Variants in RALGAPA2 observed in about 807,000 individuals in gnomAD.
RALGAPA2 encodes the protein Ral GTPase activating protein catalytic subunit alpha 2.
A neutral mutation model predicts 230.4 loss-of-function variants in RALGAPA2; 139 were observed. The observed-to-expected ratio is 0.60, with a 90% CI of 0.53 to 0.69. The LOEUF is 0.69. RALGAPA2 is among the 30% of genes least tolerant of loss of function. RALGAPA2 has a pLI of 0.00. For synonymous variants in RALGAPA2, 847 were observed against 837.8 expected, an observed-to-expected ratio of 1.01 and a Z score of -0.19; for missense variants, 2,163 against 2,276.0, an observed-to-expected ratio of 0.95 and a Z score of 1.01.
chr20:20,427,062 C>T (rs1354178437), intron 37 of RALGAPA2, among the ~76,000 whole-genome samples: 1 of 152,202 alleles, frequency 6.6e-6, no homozygotes, highest in Admixed American at 6.5e-5. Context: ...GCCTGGCTCT[C>T]AGTCACGGCC....
intron 4 of RALGAPA2, among the ~76,000 whole-genome samples, chr20:20,643,934 G>T (rs938489487): frequency 6.6e-6 from 1 of 151,940 alleles, no homozygotes; most frequent in Non-Finnish European, 1.5e-5. Flanking sequence ...ACTTAGAATG[G>T]CATGTTTCTC....
intron 3 of RALGAPA2, among the ~76,000 whole-genome samples, chr20:20,657,886 T>C (rs1371763089): frequency 6.6e-6 from 1 of 152,254 alleles, no homozygotes; most frequent in East Asian, 1.9e-4. Context: ...AGGTCTTTAA[T>C]TTGGTCAGGA....
chr20:20,571,146 C>A (rs1314337681), intron 23 of RALGAPA2, among the ~76,000 whole-genome samples: 4 of 152,006 alleles, frequency 2.6e-5, no homozygotes, highest in Non-Finnish European at 4.4e-5. Flanking sequence ...AATGCAGAAC[C>A]CAAACAAAAA....
chr20:20,397,844 T>G (rs1392289608), intron 38 of RALGAPA2, among the ~76,000 whole-genome samples: 1 of 152,122 alleles, frequency 6.6e-6, no homozygotes, highest in Non-Finnish European at 1.5e-5. Flanking sequence ...CCCAAGAAAA[T>G]TATTTGGGGT....
intron 37 of RALGAPA2, among the ~76,000 whole-genome samples, chr20:20,470,047 A>C (rs1602465896): frequency 6.6e-6 from 1 of 152,130 alleles, no homozygotes; most frequent in Non-Finnish European, 1.5e-5. Context: ...TACTGTGCTT[A>C]CATTTTTTTT....
intron 6 of RALGAPA2, 84 bp downstream of exon 6, chr20:20,640,617 T>C (rs767944736): frequency 1.5e-5 from 20 of 1,339,236 alleles, no homozygotes; most frequent in Non-Finnish European, 2.1e-5. Flanking sequence ...TCAGGATTTC[T>C]ATTCAAGAAA....
rs2059584782 is a variant in RALGAPA2 at position 20,390,397 on chromosome 20, T to G, written c.*2892A>C. The G allele has an allele frequency of 6.6e-6, 1 of 152,224 alleles. No homozygotes were observed. Among genetic ancestry groups the G allele is most frequent in the African/African-American group, 2.4e-5 (1 of 41,464 alleles). The allele number at this position is 152,224 out of a possible 1,614,324, so 9.4% of individuals were successfully genotyped here. On this transcript the variant is annotated 3_prime_UTR_variant, in exon 40 of 40. Transcript: ENST00000202677. ...TTATTTTTAAAAAGTCATAATTTTTTAAAGTACGAAAGCCTAAGTACAATG... is the reference window on the plus strand; with the variant it reads ...TTATTTTTAAAAAGTCATAATTTTTGAAAGTACGAAAGCCTAAGTACAATG...
intron 24 of RALGAPA2, among the ~76,000 whole-genome samples, chr20:20,544,890 G>A (rs2063740738): frequency 6.6e-6 from 1 of 152,108 alleles, no homozygotes. Context: ...GGCAAGGGGA[G>A]GGATAGCATT....
intron 29 of RALGAPA2, 66 bp downstream of exon 29, chr20:20,524,764 T>C (rs2063149944): frequency 7.1e-7 from 1 of 1,400,428 alleles, no homozygotes; most frequent in Non-Finnish European, 9.7e-7. Context: ...TGTAACATTA[T>C]TTATCATTTT....
At chr20:20,683,666 C>T (rs1961402932) in intron 1 of RALGAPA2, among the ~76,000 whole-genome samples, 1 of 152,202 alleles carries the variant, frequency 6.6e-6, no homozygotes, top group African/African-American at 2.4e-5. Context: ...AGCAGAATTG[C>T]ACAAAACCCC....
At chr20:20,683,898 G>T (rs183988703) in intron 1 of RALGAPA2, among the ~76,000 whole-genome samples, 15 of 152,270 alleles carry the variant, frequency 9.9e-5, no homozygotes, top group Non-Finnish European at 7.3e-5. Flanking sequence ...TCTATAACCA[G>T]ATGGACCCTC....
chr20:20,404,260 A>G (rs1350611208), intron 38 of RALGAPA2, among the ~76,000 whole-genome samples: 1 of 152,106 alleles, frequency 6.6e-6, no homozygotes, highest in Non-Finnish European at 1.5e-5. Flanking sequence ...TTTTTAAGGG[A>G]TTTTATTCCT....
chr20:20,618,817 T>C (rs1252387863), intron 12 of RALGAPA2, among the ~76,000 whole-genome samples: 1 of 152,234 alleles, frequency 6.6e-6, no homozygotes, highest in Non-Finnish European at 1.5e-5. Context: ...GAGTCAGTTC[T>C]ATTTCATATA....
chr20:20,657,989 GA>G lies in RALGAPA2; in HGVS notation c.271-4403del, dbSNP rs541344769. Reference sequence around the variant, plus strand: ...TTTTCTTTTGTTAGCACACAACAAAGAAAAACACAGAATACAGCAAGACGAT... The same window carrying G: ...TTTTCTTTTGTTAGCACACAACAAAGAAAACACAGAATACAGCAAGACGAT... On this transcript the variant is annotated intron_variant, in intron 3 of 39. Transcript: ENST00000202677. Among the ~76,000 whole-genome samples, 156 of 152,242 alleles carry G rather than the reference GA, an allele frequency of 1.0e-3. 1 individual carries two copies. Among genetic ancestry groups the G allele is most frequent in the African/African-American group, 3.6e-3 (149 of 41,550 alleles).
Position 20,391,366 on chromosome 20 carries a change from T to C in RALGAPA2, c.*1923A>G, listed in dbSNP as rs1344745711. On this transcript the variant is annotated 3_prime_UTR_variant, in exon 40 of 40. Coordinates refer to ENST00000202677, the MANE Select transcript of RALGAPA2 (RefSeq NM_020343.4). ...CACATTGCCCTTCAGCCCCCGTGAGTATCCTGGGCCCTTCCCAAAACGGCC... is the reference window on the plus strand; with the variant it reads ...CACATTGCCCTTCAGCCCCCGTGAGCATCCTGGGCCCTTCCCAAAACGGCC... 6.6e-6 allele frequency: 1 copy of C among 152,154 alleles called. No homozygotes were observed. Among genetic ancestry groups the C allele is most frequent in the Non-Finnish European group, 1.5e-5 (1 of 68,044 alleles). The allele number at this position is 152,154 out of a possible 1,614,324, so 9.4% of individuals were successfully genotyped here.
At chr20:20,438,524 T>C (rs2060663432) in intron 37 of RALGAPA2, among the ~76,000 whole-genome samples, 1 of 152,186 alleles carries the variant, frequency 6.6e-6, no homozygotes, top group African/African-American at 2.4e-5. Flanking sequence ...CCCTGCTAAG[T>C]TCCAGGGTAT....
chr20:20,615,017 G>T (rs1210771052), intron 13 of RALGAPA2, among the ~76,000 whole-genome samples: 1 of 152,092 alleles, frequency 6.6e-6, no homozygotes, highest in Non-Finnish European at 1.5e-5. Context: ...ACACACAAAG[G>T]ACAGGCTTGA....
chr20:20,607,514 T>C (rs1019470692), intron 14 of RALGAPA2, among the ~76,000 whole-genome samples: 7 of 152,132 alleles, frequency 4.6e-5, no homozygotes, highest in African/African-American at 1.7e-4. Context: ...TAAAATGCCA[T>C]CTCCTATTAA....
At chr20:20,708,796 A>G (rs1195524933) in intron 1 of RALGAPA2, among the ~76,000 whole-genome samples, 1 of 152,200 alleles carries the variant, frequency 6.6e-6, no homozygotes, top group Non-Finnish European at 1.5e-5. Context: ...ATAACACACC[A>G]TAAATTTACT....
Sources: allele counts gnomAD v4.1 joint callset (sites outside exome capture counted in the v4.1 genomes callset), GRCh38; gene constraint gnomAD v4.1.1; transcripts MANE v1.5; gene names NCBI Gene and HGNC (gene_info 2026-07-23, HGNC 2026-07-21).